The following ROBO2 variants were observed in gnomAD, a reference collection of about 807,000 sequenced individuals.
The protein encoded by ROBO2 is roundabout guidance receptor 2.
A neutral mutation model predicts 160.8 loss-of-function variants in ROBO2; 53 were observed. The observed-to-expected ratio is 0.33, with a 90% CI of 0.26 to 0.41. The LOEUF (loss-of-function observed/expected upper bound fraction) is 0.41. ROBO2 is among the 10% of genes least tolerant of loss of function. ROBO2 has a pLI of 1.00. For missense variants in ROBO2, 1,577 were observed against 1,722.4 expected (o/e 0.92, Z 1.49); for synonymous variants, 664 against 611.7 (o/e 1.09, Z -1.26).
chr3:76,893,769 T>C (rs1247102705), intron 2 of ROBO2, among the ~76,000 whole-genome samples: 1 of 152,038 alleles, frequency 6.6e-6, no homozygotes, highest in African/African-American at 2.4e-5. Context: ...ACTTATACCT[T>C]TTATCTAACA....
chr3:77,126,357 G>C (rs951321468), intron 2 of ROBO2, among the ~76,000 whole-genome samples: 1 of 152,188 alleles, frequency 6.6e-6, no homozygotes, highest in African/African-American at 2.4e-5. Context: ...GTAATCATCT[G>C]TTTGATCCAC....
chr3:77,101,064 G>A (rs1166058236), intron 2 of ROBO2, among the ~76,000 whole-genome samples: 1 of 152,192 alleles, frequency 6.6e-6, no homozygotes, highest in Non-Finnish European at 1.5e-5. Context: ...AAGCTATTTT[G>A]TTATGAGAAA....
intron 2 of ROBO2, among the ~76,000 whole-genome samples, chr3:77,214,978 G>T (rs1240068062): frequency 3.3e-5 from 5 of 152,236 alleles, no homozygotes; most frequent in Admixed American, 2.6e-4. Context: ...TCCCTTTGTG[G>T]GTAACCCGAC....
intron 2 of ROBO2, among the ~76,000 whole-genome samples, chr3:77,110,633 G>A (rs1045554871): frequency 2.0e-5 from 3 of 148,814 alleles, no homozygotes; most frequent in South Asian, 2.1e-4. Flanking sequence ...TAAGGCATAA[G>A]ACTATATATA....
Position 76,456,392 on chromosome 3 carries a change from A to T in ROBO2, c.109+518790A>T, listed in dbSNP as rs1410761384. On this transcript the variant is annotated intron_variant, in intron 2 of 26. Transcript: ENST00000487694. Reference sequence around the variant, plus strand: ...TCATTCCAGTTGCATATGTTATTGAATTATAACCACTGTTCTAAAGCTCAG... The same window carrying T: ...TCATTCCAGTTGCATATGTTATTGATTTATAACCACTGTTCTAAAGCTCAG... 2.6e-5 allele frequency among the ~76,000 whole-genome samples: 4 copies of T among 152,210 alleles called. No homozygotes were observed. The East Asian group carries it at 5.8e-4, about 22-fold the overall frequency.
intron 2 of ROBO2, among the ~76,000 whole-genome samples, chr3:76,975,561 G>A (rs1409498629): frequency 6.6e-6 from 1 of 152,104 alleles, no homozygotes; most frequent in Admixed American, 6.5e-5. Context: ...CTTTGTGTCC[G>A]TTTAACATTC....
Position 76,086,374 on chromosome 3 carries a change from G to A in ROBO2, c.109+148772G>A, listed in dbSNP as rs562427592. Among the ~76,000 whole-genome samples the A allele has an allele frequency of 3.3e-5, 5 of 152,194 alleles. No homozygotes were observed. In the South Asian group the frequency reaches 1.0e-3, roughly 32 times the overall value. ...CTAAGTCCCTCCTATGACACATGGG[G>A]ACTATGGGAACTACAGTTCAATATG... On this transcript the variant is annotated intron_variant, in intron 2 of 26. Coordinates refer to the ROBO2 transcript ENST00000487694.
intron 2 of ROBO2, among the ~76,000 whole-genome samples, chr3:75,983,945 G>A (rs543561399): frequency 1.3e-5 from 2 of 151,524 alleles, no homozygotes; most frequent in African/African-American, 4.8e-5. Context: ...CACTCTGCCC[G>A]ATCCTTTGCT....
At chr3:77,197,092 T>C (rs2082380565) in intron 2 of ROBO2, among the ~76,000 whole-genome samples, 1 of 152,164 alleles carries the variant, frequency 6.6e-6, no homozygotes, top group Admixed American at 6.5e-5. Flanking sequence ...TCTTCTAAAA[T>C]ATTTTATGGA....
chr3:76,288,823 A>G (rs1185068153), intron 2 of ROBO2, among the ~76,000 whole-genome samples: 1 of 152,112 alleles, frequency 6.6e-6, no homozygotes, highest in Non-Finnish European at 1.5e-5. Context: ...ACATGTTCTC[A>G]TTCTTTTCTA....
rs538342351 is a variant in ROBO2, at chr3:77,145,609, A to T, written c.388+47269A>T. On this transcript the variant is annotated intron_variant, in intron 2 of 25. Transcript: ENST00000461745. ...TAAGCAAACTATAGAACTATGATGG[A>T]TCTAGTAAGGGAGCACTTTTCTTGG... Among the ~76,000 whole-genome samples the T allele has an allele frequency of 9.2e-5, 14 of 152,262 alleles. 1 individual carries two copies. The East Asian group carries it at 2.7e-3, about 29-fold the overall frequency.
intron 2 of ROBO2, among the ~76,000 whole-genome samples, chr3:76,604,691 G>A (rs1214789098): frequency 1.3e-5 from 2 of 152,118 alleles, no homozygotes; most frequent in Non-Finnish European, 2.9e-5. Context: ...CTACTCAAAT[G>A]CCAGGAAGTT....
At chr3:76,741,970 G>A (rs1337628436) in intron 2 of ROBO2, among the ~76,000 whole-genome samples, 1 of 152,006 alleles carries the variant, frequency 6.6e-6, no homozygotes, top group African/African-American at 2.4e-5. Context: ...AGTGGTGGAT[G>A]ATGTGTCAGG....
rs1242952614 is a variant in ROBO2 at position 77,012,196 on chromosome 3, CT to C, written c.110-85817del. Reference sequence around the variant, plus strand: ...ACTTCGGGAATGTGTACAGTTTATACTGTGGTTTTCTGTTCTCTTGGCTCCA... The same window carrying C: ...ACTTCGGGAATGTGTACAGTTTATACGTGGTTTTCTGTTCTCTTGGCTCCA... On this transcript the variant is annotated intron_variant, in intron 2 of 26. Coordinates refer to the ROBO2 transcript ENST00000487694. Among the ~76,000 whole-genome samples, 11 of 152,080 alleles carry C rather than the reference CT, an allele frequency of 7.2e-5. No individual in the cohort carries two copies. The East Asian group carries it at 2.1e-3, about 29-fold the overall frequency.
chr3:77,297,770 G>T (rs900724941), intron 2 of ROBO2, among the ~76,000 whole-genome samples: 1 of 152,092 alleles, frequency 6.6e-6, no homozygotes, highest in Admixed American at 6.6e-5. Context: ...TACATTTAAC[G>T]GAAGAAGAAA....
At chr3:76,834,118 C>CTA (rs2067419901) in intron 2 of ROBO2, among the ~76,000 whole-genome samples, 2 of 132,490 alleles carry the variant, frequency 1.5e-5, no homozygotes, top group African/African-American at 5.7e-5. Context: ...TTCTTTCTCT[C>CTA]TGTCTCTCCT....
intron 2 of ROBO2, among the ~76,000 whole-genome samples, chr3:76,140,889 T>C (rs1221147920): frequency 1.3e-5 from 2 of 148,840 alleles, no homozygotes; most frequent in African/African-American, 2.5e-5. Flanking sequence ...AAGGACTATA[T>C]GAGATGCACT....
At chr3:76,023,771 C>G (rs1310523066) in intron 2 of ROBO2, among the ~76,000 whole-genome samples, 5 of 151,420 alleles carry the variant, frequency 3.3e-5, no homozygotes, top group African/African-American at 1.2e-4. Context: ...TGATCACATG[C>G]TGTTGGAAAA....
chr3:77,177,396 A>G (rs930172296), intron 2 of ROBO2, among the ~76,000 whole-genome samples: 1 of 151,958 alleles, frequency 6.6e-6, no homozygotes, highest in Non-Finnish European at 1.5e-5. Context: ...CAGGACCTCC[A>G]GGGGATATCA....
Sources: gnomAD v4.1 joint callset for allele counts (sites outside exome capture counted in the v4.1 genomes callset) on GRCh38, gnomAD v4.1.1 for gene constraint, MANE v1.5 for transcripts, NCBI Gene and HGNC (gene_info 2026-07-23, HGNC 2026-07-21) for gene names.